SLC30A8: variants seen among roughly 807,000 people sequenced by gnomAD.
SLC30A8 encodes the protein solute carrier family 30 member 8, also known as proton-coupled zinc antiporter SLC30A8.
In SLC30A8, 27 loss-of-function variants were observed where a neutral mutation model predicts 36.9. The observed-to-expected ratio is 0.73, with a 90% CI of 0.54 to 1.01. The LOEUF is 1.01. SLC30A8 is among the 50% of genes least tolerant of loss of function. The pLI is 0.00. For missense variants in SLC30A8, 439 were observed against 452.0 expected (o/e 0.97, Z 0.26); for synonymous variants, 164 against 172.4 (o/e 0.95, Z 0.38).
chr8:117,136,492 G>A (rs1821364801), intron 1 of SLC30A8, among the ~76,000 whole-genome samples: 1 of 152,002 alleles, frequency 6.6e-6, no homozygotes, highest in African/African-American at 2.4e-5. Flanking sequence ...ATTCTAAGGA[G>A]TAGTGATACT....
chr8:117,131,679 T>A (rs1403170552), upstream of SLC30A8, among the ~76,000 whole-genome samples: 2 of 152,016 alleles, frequency 1.3e-5, no homozygotes, highest in Non-Finnish European at 2.9e-5. Flanking sequence ...TTCTTAGCCT[T>A]CTGCTAAAGC....
intron 2 of SLC30A8, among the ~76,000 whole-genome samples, chr8:117,120,599 A>G (rs1586549029): frequency 6.6e-6 from 1 of 151,946 alleles, no homozygotes; most frequent in Admixed American, 6.6e-5. Flanking sequence ...GCTAAAATGG[A>G]CTAGTGGGAC....
At chr8:117,052,909 C>CTTTTTTTTTT (rs35990196) in intron 2 of SLC30A8, among the ~76,000 whole-genome samples, 1 of 143,592 alleles carries the variant, frequency 7.0e-6, no homozygotes, top group African/African-American at 2.6e-5. Context: ...CCTTTTTTTT[C>CTTTTTTTTTT]TTTTTTTTTT....
chr8:116,970,954 T>C (rs1440969446), intron 1 of SLC30A8, among the ~76,000 whole-genome samples: 1 of 151,996 alleles, frequency 6.6e-6, no homozygotes. Context: ...AGTTAGCCAG[T>C]TGTAGTGGTG....
chr8:117,055,000 CA>C (rs1817827070), intron 2 of SLC30A8, among the ~76,000 whole-genome samples: 1 of 152,184 alleles, frequency 6.6e-6, no homozygotes, highest in African/African-American at 2.4e-5. Context: ...TCTTGCAACT[CA>C]GTAGCTGTGA....
chr8:116,987,627 G>GAA (rs201546342), intron 1 of SLC30A8, among the ~76,000 whole-genome samples: 3 of 144,900 alleles, frequency 2.1e-5, no homozygotes, highest in Admixed American at 6.9e-5. Flanking sequence ...TACCAAAAAA[G>GAA]AAAAAAAAAA....
chr8:117,009,812 C>T (rs1411321942), intron 1 of SLC30A8, among the ~76,000 whole-genome samples: 4 of 152,180 alleles, frequency 2.6e-5, no homozygotes, highest in African/African-American at 9.6e-5. Context: ...ACTGGGTCCA[C>T]AATTCACATA....
intron 6 of SLC30A8, among the ~76,000 whole-genome samples, chr8:117,170,284 G>A (rs544245704): frequency 2.8e-3 from 432 of 152,270 alleles, no homozygotes; most frequent in Non-Finnish European, 4.5e-3. Context: ...TTTAGGTCTG[G>A]AATGGAGTCG....
intron 1 of SLC30A8, among the ~76,000 whole-genome samples, chr8:117,036,118 C>G (rs555364592): frequency 4.0e-5 from 6 of 151,246 alleles, no homozygotes; most frequent in South Asian, 4.2e-4. Flanking sequence ...TTCCCCCCCC[C>G]AGAAAATGGG....
chr8:116,964,869 A>G (rs557461539), intron 1 of SLC30A8, among the ~76,000 whole-genome samples: 1 of 152,342 alleles, frequency 6.6e-6, no homozygotes, highest in South Asian at 2.1e-4. Context: ...AGTATCTACT[A>G]TGTGTTAATG....
chr8:117,016,322 TTG>T (rs1176728406), intron 1 of SLC30A8, among the ~76,000 whole-genome samples: 71 of 152,284 alleles, frequency 4.7e-4, no homozygotes, highest in African/African-American at 1.6e-3. Context: ...CAAAGAGTTT[TTG>T]AGTTAGGTGG....
chr8:117,065,619 G>A (rs1321251359), intron 2 of SLC30A8, among the ~76,000 whole-genome samples: 1 of 151,900 alleles, frequency 6.6e-6, no homozygotes, highest in Non-Finnish European at 1.5e-5. Flanking sequence ...TCCGCTCATG[G>A]TGACTTTACA....
chr8:117,138,940 T>C (rs1161413672), intron 1 of SLC30A8, among the ~76,000 whole-genome samples: 3 of 151,998 alleles, frequency 2.0e-5, no homozygotes, highest in African/African-American at 7.2e-5. Flanking sequence ...AGCTGGAATT[T>C]TATTTGTAAG....
intron 1 of SLC30A8, among the ~76,000 whole-genome samples, chr8:116,968,648 A>AATAT (rs10623413): frequency 0.074 from 11,094 of 149,268 alleles, 412 homozygotes; most frequent in African/African-American, 0.095. Flanking sequence ...CATGACAATG[A>AATAT]ATATATATAT....
intron 2 of SLC30A8, among the ~76,000 whole-genome samples, chr8:117,125,851 C>T (rs1820880269): frequency 6.6e-6 from 1 of 151,586 alleles, no homozygotes; most frequent in Non-Finnish European, 1.5e-5. Context: ...ACATATTCTG[C>T]AAGTTTTAGT....
chr8:116,964,433 T>C (rs1814530274), intron 1 of SLC30A8, among the ~76,000 whole-genome samples: 1 of 152,154 alleles, frequency 6.6e-6, no homozygotes, highest in South Asian at 2.1e-4. Flanking sequence ...AAAACAAATT[T>C]GAACTATTTT....
chr8:117,167,504 T>TATATATATATATATAC (rs1491223080), intron 6 of SLC30A8, among the ~76,000 whole-genome samples: 5,996 of 141,076 alleles, frequency 0.043, 285 homozygotes, highest in Non-Finnish European at 0.065. Flanking sequence ...CATACATACA[T>TATATATATATATATAC]GTATATGTAT....
chr8:116,995,005 T>TAATTAGCAA, intron 1 of SLC30A8, among the ~76,000 whole-genome samples: 1 of 152,156 alleles, frequency 6.6e-6, no homozygotes, highest in Non-Finnish European at 1.5e-5. Context: ...TGTGACTGTG[T>TAATTAGCAA]GTTCACATCT....
chr8:117,128,492 A>T (rs1433962276), intron 2 of SLC30A8: 1 of 152,086 alleles, frequency 6.6e-6, no homozygotes, highest in Non-Finnish European at 1.5e-5. Context: ...TAAACACACA[A>T]AGAATTTGAT....
Sources: gnomAD v4.1 joint callset for allele counts (sites outside exome capture counted in the v4.1 genomes callset) on GRCh38, gnomAD v4.1.1 for gene constraint, MANE v1.5 for transcripts, NCBI Gene and HGNC (gene_info 2026-07-23, HGNC 2026-07-21) for gene names.